Variants in RBFOX2 observed in about 807,000 individuals in gnomAD.
RBFOX2 encodes RNA binding fox-1 homolog 2.
In RBFOX2, 10 loss-of-function variants were observed where a neutral mutation model predicts 49.1. The observed-to-expected ratio is 0.20, with a 90% CI of 0.13 to 0.35. The LOEUF is 0.35. Among genes scored for constraint, RBFOX2 ranks in the 10% least tolerant of loss-of-function variants. The pLI, the probability that RBFOX2 is intolerant of heterozygous loss-of-function variation, is 1.00. For missense variants in RBFOX2, 323 were observed against 486.9 expected (o/e 0.66, Z 3.17); for synonymous variants, 183 against 187.4 (o/e 0.98, Z 0.19).
At chr22:35,948,177 T>G (rs1229090207) in intron 1 of RBFOX2, among the ~76,000 whole-genome samples, 5 of 152,220 alleles carry the variant, frequency 3.3e-5, no homozygotes, top group African/African-American at 1.2e-4. Flanking sequence ...TATAGTCACA[T>G]GCTGTACAGA....
chr22:35,957,996 T>A (rs142949313), intron 1 of RBFOX2, among the ~76,000 whole-genome samples: 1 of 152,144 alleles, frequency 6.6e-6, no homozygotes, highest in Non-Finnish European at 1.5e-5. Flanking sequence ...CCTCAGAGTA[T>A]AAAAGAAATA....
chr22:35,980,703 T>C lies in RBFOX2; in HGVS notation c.187-41806A>G, dbSNP rs546513187. ...TTGCAAGCAGCTTGCATACAGACCA[T>C]ACACCATTTACAAGACAAAAAAGAG... On this transcript the variant is annotated intron_variant, in intron 1 of 13. Transcript: ENST00000438146. Among the ~76,000 whole-genome samples the C allele has an allele frequency of 8.5e-5, 13 of 152,112 alleles. No individual in the cohort carries two copies. The South Asian group carries it at 2.3e-3, about 27-fold the overall frequency.
At chr22:35,908,481 C>CT (rs1292546491) in intron 1 of RBFOX2, among the ~76,000 whole-genome samples, 1 of 152,132 alleles carries the variant, frequency 6.6e-6, no homozygotes, top group African/African-American at 2.4e-5. Flanking sequence ...TGTTGAATAT[C>CT]TCATGTAATT....
At chr22:35,753,629 A>T (rs571854988) in intron 9 of RBFOX2, among the ~76,000 whole-genome samples, 4 of 145,152 alleles carry the variant, frequency 2.8e-5, no homozygotes, top group East Asian at 2.0e-4. Context: ...TTAGTAGATT[A>T]AAAAAAAAAA....
intron 1 of RBFOX2, chr22:35,998,413 G>T (rs2058277146): frequency 6.6e-6 from 1 of 151,748 alleles, no homozygotes; most frequent in African/African-American, 2.4e-5. Flanking sequence ...TTTCGCTCTT[G>T]TCGCCCAAGG....
intron 2 of RBFOX2, among the ~76,000 whole-genome samples, chr22:35,791,763 C>T (rs1256596784): frequency 6.6e-6 from 1 of 152,144 alleles, no homozygotes; most frequent in Admixed American, 6.5e-5. Flanking sequence ...ACAAAAATAT[C>T]AATCACTCCT....
chr22:35,829,181 C>A (rs371637713), intron 1 of RBFOX2, among the ~76,000 whole-genome samples: 3 of 151,920 alleles, frequency 2.0e-5, no homozygotes, highest in East Asian at 3.9e-4. Context: ...TATCTAGAAC[C>A]CAACAAGATA....
intron 1 of RBFOX2, among the ~76,000 whole-genome samples, chr22:36,018,371 G>C (rs1383817814): frequency 1.3e-5 from 2 of 152,150 alleles, no homozygotes; most frequent in Non-Finnish European, 2.9e-5. Flanking sequence ...AAATGTGGGG[G>C]TAGAAGAGAT....
intron 1 of RBFOX2, among the ~76,000 whole-genome samples, chr22:35,811,149 A>G (rs763430880): frequency 6.6e-6 from 1 of 151,970 alleles, no homozygotes; most frequent in African/African-American, 2.4e-5. Flanking sequence ...TGAAAGAAAA[A>G]AGGCAGAGAA....
intron 1 of RBFOX2, among the ~76,000 whole-genome samples, chr22:35,849,298 AACACACACACAC>A (rs61515031): frequency 8.8e-4 from 118 of 133,350 alleles, no homozygotes; most frequent in African/African-American, 2.8e-3. Flanking sequence ...TACACACACA[AACACACACACAC>A]ACACACACAC....
At chr22:35,917,060 G>A (rs1373503837) in intron 1 of RBFOX2, among the ~76,000 whole-genome samples, 1 of 152,150 alleles carries the variant, frequency 6.6e-6, no homozygotes, top group Non-Finnish European at 1.5e-5. Context: ...TAGCATTCCT[G>A]CATCTTACCC....
intron 9 of RBFOX2, among the ~76,000 whole-genome samples, chr22:35,754,579 C>T (rs745687757): frequency 6.6e-6 from 1 of 152,108 alleles, no homozygotes; most frequent in Non-Finnish European, 1.5e-5. Flanking sequence ...AATATGGACA[C>T]TAATGTATAT....
At chr22:35,894,909 T>C (rs2047653742) in intron 1 of RBFOX2, among the ~76,000 whole-genome samples, 1 of 150,134 alleles carries the variant, frequency 6.7e-6, no homozygotes, top group African/African-American at 2.5e-5. Flanking sequence ...GGAAAGAAGA[T>C]GCCAAAACTG....
chr22:35,802,332 T>C (rs1949935345), intron 2 of RBFOX2, among the ~76,000 whole-genome samples: 1 of 152,170 alleles, frequency 6.6e-6, no homozygotes, highest in Non-Finnish European at 1.5e-5. Context: ...CTTCTGGCTA[T>C]GATGGTATGA....
chr22:35,745,055 C>A (rs945113968), intron 11 of RBFOX2, among the ~76,000 whole-genome samples: 1 of 152,204 alleles, frequency 6.6e-6, no homozygotes, highest in African/African-American at 2.4e-5. Context: ...TCAGGGCCCC[C>A]TATTACTTCC....
chr22:35,821,715 G>C, intron 1 of RBFOX2: 3 of 516,726 alleles, frequency 5.8e-6, no homozygotes, highest in Admixed American at 3.9e-5. Flanking sequence ...GAGGTTCCCA[G>C]GCCAGAGGCT....
chr22:35,824,984 C>T (rs1190107029), intron 1 of RBFOX2, among the ~76,000 whole-genome samples: 3 of 152,198 alleles, frequency 2.0e-5, no homozygotes, highest in Non-Finnish European at 4.4e-5. Context: ...CTTTGGGAGG[C>T]CGAGGCGGGT....
intron 4 of RBFOX2, among the ~76,000 whole-genome samples, chr22:35,772,120 CA>C (rs1166154482): frequency 1.3e-5 from 2 of 152,082 alleles, no homozygotes; most frequent in Non-Finnish European, 2.9e-5. Context: ...GATTTAATCT[CA>C]AATTCTGAAC....
intron 1 of RBFOX2, among the ~76,000 whole-genome samples, chr22:35,958,263 C>T (rs1011904979): frequency 2.0e-5 from 3 of 152,072 alleles, no homozygotes; most frequent in African/African-American, 7.2e-5. Flanking sequence ...AGTTACTCAC[C>T]TTTCTGGGCC....
Sources: allele counts gnomAD v4.1 joint callset (sites outside exome capture counted in the v4.1 genomes callset), GRCh38; gene constraint gnomAD v4.1.1; transcripts MANE v1.5; gene names NCBI Gene and HGNC (gene_info 2026-07-23, HGNC 2026-07-21).